The following FRMD4B variants were observed in gnomAD, a reference collection of about 807,000 sequenced individuals.
FRMD4B encodes the protein FERM domain-containing protein 4B.
A neutral mutation model predicts 141.5 loss-of-function variants in FRMD4B; 74 were observed. The ratio of observed to expected loss-of-function variants is 0.52; its 90% CI spans 0.43 to 0.63. The LOEUF (loss-of-function observed/expected upper bound fraction) is 0.63, where lower values mean the gene tolerates loss of function less well. Ranked by LOEUF, FRMD4B falls within the 30% of genes least tolerant of loss-of-function variation. FRMD4B has a pLI of 0.00. For missense variants in FRMD4B, 1,366 were observed against 1,253.4 expected, an observed-to-expected ratio of 1.09 and a Z score of -1.36; for synonymous variants, 506 against 467.9, an observed-to-expected ratio of 1.08 and a Z score of -1.05.
At chr3:69,332,742 A>ATTTTTT (rs58437578) in intron 1 of FRMD4B, among the ~76,000 whole-genome samples, 2 of 67,550 alleles carry the variant, frequency 3.0e-5, no homozygotes, top group African/African-American at 6.3e-5. Context: ...ACACCTGGCT[A>ATTTTTT]TTTTTTTTTT....
Position 69,180,941 on chromosome 3 carries a change from C to A in FRMD4B, c.2809G>T (p.Val937Leu). ...GCACGACTGCTTGGAGAACAAGGTA[C>A]TTGCAGCCCCGCAAACCCCAGGCAT... ...QRCLGFAGLQ[V>L]PCSPSSRASS... is the part of the protein sequence containing the mutation. The change falls in exon 21 of 23, where the codon GTA becomes TTA. Residue 937 changes from valine to leucine, a missense_variant. Physicochemically the swap from Val to Leu is conservative, Grantham distance 32 (BLOSUM62 1). Coordinates refer to ENST00000398540, the MANE Select transcript of FRMD4B (RefSeq NM_015123.3). The A allele has an allele frequency of 6.2e-7, 1 of 1,612,560 alleles. No individual in the cohort carries two copies. Among genetic ancestry groups the A allele is most frequent in the Non-Finnish European group, 8.5e-7 (1 of 1,178,740 alleles).
At position 69,198,722 on chromosome 3, in the gene FRMD4B, G is replaced by A; in HGVS notation, c.929C>T (p.Ala310Val). The change falls in exon 12 of 23, where the codon GCT becomes GTT. Residue 310 changes from alanine (A) to valine (V), a missense_variant. Transcript: ENST00000398540. Reference sequence around the variant, plus strand: ...CCTTCGTGGATCATGAACTTCAACAGCAAATTTTTTCTCACGGAAATATAA... The same window carrying A: ...CCTTCGTGGATCATGAACTTCAACAACAAATTTTTTCTCACGGAAATATAA... ...ENLYFREKKFAVEVHDPRRIS... is the reference protein window; with the variant it reads ...ENLYFREKKFVVEVHDPRRIS... The A allele has an allele frequency of 6.4e-7, 1 of 1,563,980 alleles. No individual in the cohort carries two copies. Among genetic ancestry groups the A allele is most frequent in the Non-Finnish European group, 8.7e-7 (1 of 1,146,024 alleles).
At chr3:69,350,653 A>G (rs9310149) in intron 1 of FRMD4B, among the ~76,000 whole-genome samples, 106,594 of 151,950 alleles carry the variant, frequency 0.7, 38,383 homozygotes, top group African/African-American at 0.86. Flanking sequence ...CATAAAGAAG[A>G]ATGAGTTCAT....
rs542979774 is a variant in FRMD4B, at chr3:69,497,466, G to A, written c.-129+44740C>T. 1.4e-4 allele frequency among the ~76,000 whole-genome samples: 21 copies of A among 152,188 alleles called. No homozygotes were observed. In the South Asian group the frequency reaches 3.5e-3, roughly 26 times the overall value. On this transcript the variant is annotated intron_variant, in intron 1 of 5. Transcript: ENST00000459638. ...ATTGCTTCTCATTGTTTTAGTATTC[G>A]TGGCCCAGTTATATGCAGTGGTGGT...
chr3:69,376,128 ATG>A (rs1321557954), intron 1 of FRMD4B, among the ~76,000 whole-genome samples: 2 of 152,202 alleles, frequency 1.3e-5, no homozygotes, highest in Non-Finnish European at 2.9e-5. Flanking sequence ...ATACAAACAG[ATG>A]TGACATAATT....
At chr3:69,495,811 AT>A (rs1304052125) in intron 1 of FRMD4B, among the ~76,000 whole-genome samples, 1 of 152,134 alleles carries the variant, frequency 6.6e-6, no homozygotes, top group Admixed American at 6.5e-5. Context: ...CATACAATAT[AT>A]TTTATTGTTG....
chr3:69,260,597 C>T (rs2093520420), intron 5 of FRMD4B, among the ~76,000 whole-genome samples: 1 of 152,268 alleles, frequency 6.6e-6, no homozygotes, highest in Admixed American at 6.5e-5. Flanking sequence ...CCAATGGGCG[C>T]CGCCTGGTCC....
chr3:69,323,354 G>T (rs534935665), intron 1 of FRMD4B, among the ~76,000 whole-genome samples: 10 of 151,828 alleles, frequency 6.6e-5, no homozygotes, highest in Admixed American at 4.6e-4. Flanking sequence ...ATCACCTGAG[G>T]TCAGGAATTT....
chr3:69,194,815 A>G (rs1575597684), intron 16 of FRMD4B, among the ~76,000 whole-genome samples: 1 of 152,214 alleles, frequency 6.6e-6, no homozygotes, highest in Non-Finnish European at 1.5e-5. Context: ...CTGAATGCCT[A>G]TGATTTGGGG....
In FRMD4B at chr3:69,171,922, A is replaced by T. The variant is rs749254316; in HGVS notation, c.3044T>A (p.Leu1015Gln). The T allele has an allele frequency of 6.2e-7, 1 of 1,613,108 alleles. No homozygotes were observed. Among genetic ancestry groups the T allele is most frequent in the Non-Finnish European group, 8.5e-7 (1 of 1,179,082 alleles). Residue 1015 changes from leucine (L) to glutamine (Q), a missense_variant, in exon 23 of 23, where the codon CTG (leucine) becomes CAG (glutamine). Coordinates refer to ENST00000398540, the MANE Select transcript of FRMD4B (RefSeq NM_015123.3). ...AAAGAGTCTCTGCTCACTACTCTCCAGGTTGTCTTCCAGCTGGTTTCCATC... is the reference window on the plus strand; with the variant it reads ...AAAGAGTCTCTGCTCACTACTCTCCTGGTTGTCTTCCAGCTGGTTTCCATC... ...GTDGNQLEDN[L>Q]ESSEQRLFWH...
intron 2 of FRMD4B, among the ~76,000 whole-genome samples, chr3:69,423,996 A>C (rs1267046807): frequency 1.3e-5 from 2 of 152,222 alleles, no homozygotes; most frequent in Middle Eastern, 3.2e-3. Context: ...AGTGGAAGGC[A>C]GCTGCAATGT....
At chr3:69,273,257 T>A (rs759942526) in intron 5 of FRMD4B, among the ~76,000 whole-genome samples, 1 of 152,218 alleles carries the variant, frequency 6.6e-6, no homozygotes, top group Non-Finnish European at 1.5e-5. Flanking sequence ...TGATGACTTA[T>A]TTCTTTGGAG....
chr3:69,290,546 G>GT (rs150550994), intron 4 of FRMD4B, among the ~76,000 whole-genome samples: 1 of 152,284 alleles, frequency 6.6e-6, no homozygotes, highest in African/African-American at 2.4e-5. Flanking sequence ...GGTGGTGGCT[G>GT]TTTCCTGCTT....
At chr3:69,329,551 G>A (rs1702299921) in intron 1 of FRMD4B, among the ~76,000 whole-genome samples, 1 of 84,008 alleles carries the variant, frequency 1.2e-5, no homozygotes. Context: ...TTTTTGAGAT[G>A]GAGTCTCACA....
intron 1 of FRMD4B, among the ~76,000 whole-genome samples, chr3:69,440,930 G>A (rs6762603): frequency 0.25 from 38,534 of 152,086 alleles, 5,522 homozygotes; most frequent in East Asian, 0.46. Context: ...TCCTTTCCAC[G>A]TATATGGTAT....
intron 1 of FRMD4B, among the ~76,000 whole-genome samples, chr3:69,346,901 G>C (rs926929167): frequency 6.6e-6 from 1 of 152,132 alleles, no homozygotes; most frequent in East Asian, 1.9e-4. Flanking sequence ...AGACCATCGA[G>C]GCTAGGAAGA....
chr3:69,466,756 G>A (rs1309409043), intron 1 of FRMD4B, among the ~76,000 whole-genome samples: 1 of 152,152 alleles, frequency 6.6e-6, no homozygotes, highest in Non-Finnish European at 1.5e-5. Flanking sequence ...GAGTGCAGTG[G>A]CTCAATCATG....
intron 5 of FRMD4B, among the ~76,000 whole-genome samples, chr3:69,269,097 T>G (rs866256875): frequency 2.0e-5 from 3 of 151,408 alleles, no homozygotes; most frequent in Non-Finnish European, 4.4e-5. Context: ...CCCGGCTAAT[T>G]TTTGTATTTT....
At chr3:69,420,301 A>G (rs1374591004) in intron 2 of FRMD4B, among the ~76,000 whole-genome samples, 1 of 151,826 alleles carries the variant, frequency 6.6e-6, no homozygotes, top group African/African-American at 2.4e-5. Context: ...AAAAAAAAAA[A>G]AAAACAACCA....
Sources: gnomAD v4.1 joint callset for allele counts (sites outside exome capture counted in the v4.1 genomes callset) on GRCh38, gnomAD v4.1.1 for gene constraint, MANE v1.5 for transcripts, NCBI Gene and HGNC (gene_info 2026-07-23, HGNC 2026-07-21) for gene names.